Variants in CAMK2B observed in about 807,000 individuals in gnomAD.
CAMK2B encodes the protein calcium/calmodulin-dependent protein kinase type II subunit beta.
CAMK2B carries 27 observed loss-of-function variants against 93.7 expected under a neutral mutation model. The observed-to-expected ratio is 0.29, with a 90% CI of 0.21 to 0.40. The LOEUF (loss-of-function observed/expected upper bound fraction) is 0.40, where lower values mean the gene tolerates loss of function less well. CAMK2B is among the 10% of genes least tolerant of loss of function. The probability of loss-of-function intolerance (pLI) is 1.00; values close to 1 mark genes in which losing one functional copy is unlikely to be tolerated. For missense variants in CAMK2B, 568 were observed against 895.8 expected (o/e 0.63, Z 4.67); for synonymous variants, 374 against 358.8 (o/e 1.04, Z -0.48).
At chr7:44,250,299 C>T (rs1381360548) in intron 5 of CAMK2B, among the ~76,000 whole-genome samples, 2 of 152,200 alleles carry the variant, frequency 1.3e-5, no homozygotes, top group African/African-American at 4.8e-5. Context: ...TCTTGTCTGC[C>T]GTCACTTTCT....
At chr7:44,223,006 C>T (rs1008149709) in intron 20 of CAMK2B, among the ~76,000 whole-genome samples, 2 of 152,200 alleles carry the variant, frequency 1.3e-5, no homozygotes, top group African/African-American at 4.8e-5. Context: ...GAGTGGGGTG[C>T]ACACATGTTC....
At chr7:44,239,493 T>A (rs991692761) in intron 13 of CAMK2B, 96 bp downstream of exon 13, 43 of 1,205,328 alleles carry the variant, frequency 3.6e-5, no homozygotes, top group Non-Finnish European at 1.9e-5. Flanking sequence ...CTGGGGCGGC[T>A]CTGGAGCCCG....
intron 6 of CAMK2B, chr7:44,244,928 C>G (rs1173360452): frequency 2.2e-6 from 1 of 456,128 alleles, no homozygotes; most frequent in African/African-American, 2.0e-5. Context: ...GCACACGCAT[C>G]CGTGTCCACC....
At chr7:44,255,967 G>C (rs967477529) in intron 4 of CAMK2B, among the ~76,000 whole-genome samples, 3 of 151,870 alleles carry the variant, frequency 2.0e-5, no homozygotes, top group Non-Finnish European at 4.4e-5. Flanking sequence ...TTAAAGGACT[G>C]GGTGTTCCCT....
rs2096554576 is a variant in CAMK2B, at chr7:44,229,290, G to T, written c.1339+98C>A. On this transcript the variant is annotated intron_variant, in intron 18 of 23. Transcript: ENST00000395749. Reference sequence around the variant, plus strand: ...GTGGGGTGATGAGGCTGGAGCCAGGGTCCACGCTCAGCCTGCCCTCGGCTC... The same window carrying T: ...GTGGGGTGATGAGGCTGGAGCCAGGTTCCACGCTCAGCCTGCCCTCGGCTC... 8 of 775,674 alleles carry T rather than the reference G, an allele frequency of 1.0e-5. No homozygotes were observed. In the South Asian group the frequency reaches 1.5e-4, roughly 15 times the overall value. 48.0% of individuals were successfully genotyped at this position (775,674 alleles called of 1,614,324 possible).
At chr7:44,227,755 G>A (rs370426783) in intron 19 of CAMK2B, among the ~76,000 whole-genome samples, 2 of 13,704 alleles carry the variant, frequency 1.5e-4, no homozygotes, top group East Asian at 4.3e-3. Context: ...AGAGGAGGGT[G>A]TGGGGGACAG....
At chr7:44,251,765 A>G (rs995431996) in intron 5 of CAMK2B, among the ~76,000 whole-genome samples, 1 of 152,230 alleles carries the variant, frequency 6.6e-6, no homozygotes. Flanking sequence ...TGCCCTCCGC[A>G]TCGGGAGTCC....
intron 1 of CAMK2B, among the ~76,000 whole-genome samples, chr7:44,305,254 A>AG (rs1185454495): frequency 1.3e-5 from 2 of 152,190 alleles, no homozygotes; most frequent in African/African-American, 4.8e-5. Flanking sequence ...CCCATGTCAC[A>AG]GGAAGGGACA....
chr7:44,318,206 T>C (rs1199054581), intron 1 of CAMK2B, among the ~76,000 whole-genome samples: 2 of 152,192 alleles, frequency 1.3e-5, no homozygotes, highest in Non-Finnish European at 2.9e-5. Flanking sequence ...ATTAAGAAAT[T>C]AGCTGAAAGC....
chr7:44,225,425 G>A lies in CAMK2B; in HGVS notation c.1597+1091C>T, dbSNP rs957616608. On this transcript the variant is annotated intron_variant, in intron 20 of 23. Coordinates refer to ENST00000395749, the MANE Select transcript of CAMK2B (RefSeq NM_001220.5). This position sits in a 1 kb window ranked among gnomAD's most constrained non-coding sequence, Gnocchi z 5.0. Reference sequence around the variant, plus strand: ...ATGCCTCCCTCCTTGAGTTCTGGTCGCCCAGGCACCCCGACCCTATCAGCA... The same window carrying A: ...ATGCCTCCCTCCTTGAGTTCTGGTCACCCAGGCACCCCGACCCTATCAGCA... 2.0e-5 allele frequency among the ~76,000 whole-genome samples: 3 copies of A among 151,920 alleles called. No individual in the cohort carries two copies. Among genetic ancestry groups the A allele is most frequent in the African/African-American group, 7.3e-5 (3 of 41,354 alleles).
chr7:44,304,949 G>A (rs1215240521), intron 1 of CAMK2B, among the ~76,000 whole-genome samples: 1 of 152,112 alleles, frequency 6.6e-6, no homozygotes, highest in South Asian at 2.1e-4. Flanking sequence ...GAAAAAAATT[G>A]TATCTTTAAA....
intron 2 of CAMK2B, among the ~76,000 whole-genome samples, chr7:44,266,076 G>A (rs975771308): frequency 6.6e-6 from 1 of 152,142 alleles, no homozygotes; most frequent in Non-Finnish European, 1.5e-5. Flanking sequence ...TTTTGATCCT[G>A]TCTCCAGTGA....
At chr7:44,244,200 C>G (rs998418851) in intron 6 of CAMK2B, among the ~76,000 whole-genome samples, 3 of 152,194 alleles carry the variant, frequency 2.0e-5, no homozygotes, top group Admixed American at 2.0e-4. Context: ...CCCCTGCCCG[C>G]TGGGTATCCA....
chr7:44,274,397 C>T (rs2097010965), intron 2 of CAMK2B, among the ~76,000 whole-genome samples: 3 of 152,202 alleles, frequency 2.0e-5, no homozygotes, highest in South Asian at 4.1e-4. Context: ...CCCTGGATCT[C>T]CAGCTCTCCA....
intron 17 of CAMK2B, 99 bp downstream of exon 17, chr7:44,230,907 C>G: frequency 1.0e-6 from 1 of 983,400 alleles, no homozygotes; most frequent in Middle Eastern, 2.1e-4. Context: ...ATAAACTAGG[C>G]GTCGCAGGAG....
intron 1 of CAMK2B, among the ~76,000 whole-genome samples, chr7:44,295,870 G>A: frequency 6.6e-6 from 1 of 152,154 alleles, no homozygotes; most frequent in Non-Finnish European, 1.5e-5. Flanking sequence ...TACATAAGCG[G>A]ATGGAAGAGA....
rs183260880 is a variant in CAMK2B, at chr7:44,231,536, T to C, written c.1177-482A>G. On this transcript the variant is annotated intron_variant, in intron 16 of 23. Transcript: ENST00000395749. ...TGAAATTCCAAGACGTAAAACACAA[T>C]GGGACTGGCTGGTTCCAATGAAGCA... Among the ~76,000 whole-genome samples, 36 of 152,334 alleles carry C rather than the reference T, an allele frequency of 2.4e-4. 1 individual carries two copies. In the East Asian group the frequency reaches 6.2e-3, roughly 26 times the overall value.
intron 1 of CAMK2B, among the ~76,000 whole-genome samples, chr7:44,292,212 T>C (rs116632730): frequency 4.1e-4 from 63 of 152,248 alleles, no homozygotes; most frequent in African/African-American, 1.5e-3. Context: ...CCTTCACAGT[T>C]ACATGGCATT....
chr7:44,274,267 C>T (rs1418397782), intron 2 of CAMK2B, among the ~76,000 whole-genome samples: 1 of 152,204 alleles, frequency 6.6e-6, no homozygotes, highest in African/African-American at 2.4e-5. Context: ...GCAGACCTGT[C>T]ACAGGACTGC....
Sources: gnomAD v4.1 joint callset for allele counts (sites outside exome capture counted in the v4.1 genomes callset) on GRCh38, gnomAD v4.1.1 for gene constraint, Gnocchi (gnomAD v3.1) non-coding constraint, MANE v1.5 for transcripts, NCBI Gene and HGNC (gene_info 2026-07-23, HGNC 2026-07-21) for gene names.